Variants in CDH13 observed in about 807,000 individuals in gnomAD.
CDH13 encodes the protein cadherin-13.
A neutral mutation model predicts 63.8 loss-of-function variants in CDH13; 24 were observed. That is an observed-to-expected ratio of 0.38 (90% CI 0.27 to 0.53). The LOEUF is 0.53. Among genes scored for constraint, CDH13 ranks in the 20% least tolerant of loss-of-function variants. The pLI, the probability that CDH13 is intolerant of heterozygous loss-of-function variation, is 0.85. For missense variants in CDH13, 1,049 were observed against 903.1 expected (o/e 1.16, Z -2.07); for synonymous variants, 503 against 355.3 (o/e 1.42, Z -4.67).
chr16:83,201,189 A>C (rs907278930), intron 4 of CDH13, among the ~76,000 whole-genome samples: 1 of 152,134 alleles, frequency 6.6e-6, no homozygotes, highest in African/African-American at 2.4e-5. Flanking sequence ...GTCTTAGCAT[A>C]GCTTCTTTAT....
chr16:82,999,467 C>A (rs1446585062), intron 2 of CDH13, among the ~76,000 whole-genome samples: 2 of 151,938 alleles, frequency 1.3e-5, no homozygotes, highest in Non-Finnish European at 2.9e-5. Context: ...TATAGATATG[C>A]CCTTACATCA....
At chr16:83,790,185 A>G (rs1916166806) in intron 13 of CDH13, 1 of 152,222 alleles carries the variant, frequency 6.6e-6, no homozygotes, top group Non-Finnish European at 1.5e-5. Context: ...CGAGGCCAGC[A>G]TTCACCATTG....
chr16:82,695,557 T>C (rs1400720916), intron 1 of CDH13, among the ~76,000 whole-genome samples: 1 of 152,116 alleles, frequency 6.6e-6, no homozygotes, highest in Admixed American at 6.5e-5. Flanking sequence ...AGCTTTGGAG[T>C]TGGAGTTAAG....
Position 83,218,530 on chromosome 16 carries a change from C to T in CDH13, c.636+1033C>T, listed in dbSNP as rs1189341912. 4.6e-5 allele frequency among the ~76,000 whole-genome samples: 7 copies of T among 152,168 alleles called. No individual in the cohort carries two copies. In the East Asian group the frequency reaches 1.3e-3, roughly 29 times the overall value. ...CTCAGAAATACCCAGTTCCAGCTGG[C>T]CTTGACAGTAACCAGAGGTGACCTG... On this transcript the variant is annotated intron_variant, in intron 5 of 13. Coordinates refer to ENST00000567109, the MANE Select transcript of CDH13 (RefSeq NM_001257.5).
intron 7 of CDH13, among the ~76,000 whole-genome samples, chr16:83,518,760 C>A (rs893360970): frequency 6.6e-6 from 1 of 152,042 alleles, no homozygotes; most frequent in South Asian, 2.1e-4. Context: ...TTTGAGCCAC[C>A]GAGCCCGGCC....
chr16:82,662,966 G>A (rs1912139838), intron 1 of CDH13, among the ~76,000 whole-genome samples: 1 of 152,272 alleles, frequency 6.6e-6, no homozygotes, highest in African/African-American at 2.4e-5. Flanking sequence ...ATGATTTCGA[G>A]TTAAAAACAT....
At chr16:83,126,973 G>C (rs1392561625) in intron 4 of CDH13, among the ~76,000 whole-genome samples, 1 of 152,184 alleles carries the variant, frequency 6.6e-6, no homozygotes, top group South Asian at 2.1e-4. Flanking sequence ...AGGAGTAGAG[G>C]GAGGAGGGAA....
chr16:82,689,902 T>G (rs1915463414), intron 1 of CDH13, among the ~76,000 whole-genome samples: 1 of 143,256 alleles, frequency 7.0e-6, no homozygotes, highest in Non-Finnish European at 1.5e-5. Flanking sequence ...CCCAGCACTT[T>G]TGGAGGCCAA....
rs117600712 is a variant in CDH13, at chr16:83,033,333, A to G, written c.366+1115A>G. 6.5e-3 allele frequency among the ~76,000 whole-genome samples: 992 copies of G among 152,132 alleles called. 12 individuals are homozygous for G. The highest frequency in any genetic ancestry group is 0.059 in the East Asian group (305 of 5,164). On this transcript the variant is annotated intron_variant, in intron 3 of 13. Coordinates refer to ENST00000567109, the MANE Select transcript of CDH13 (RefSeq NM_001257.5). ...ATATATACGGTGTATATGTATGTCT[A>G]TATGTATACATTTGCATTTAACAGG...
chr16:83,171,922 G>T (rs2037936920), intron 4 of CDH13, among the ~76,000 whole-genome samples: 1 of 152,086 alleles, frequency 6.6e-6, no homozygotes, highest in Non-Finnish European at 1.5e-5. Context: ...TGTTATTTAA[G>T]ATTTATTGTC....
At chr16:83,562,560 A>G (rs1380621352) in intron 7 of CDH13, among the ~76,000 whole-genome samples, 1 of 152,238 alleles carries the variant, frequency 6.6e-6, no homozygotes, top group Non-Finnish European at 1.5e-5. Flanking sequence ...AGACCCATGA[A>G]AATAAATAGT....
chr16:83,439,849 G>C (rs2072432088), intron 6 of CDH13, among the ~76,000 whole-genome samples: 1 of 152,158 alleles, frequency 6.6e-6, no homozygotes, highest in African/African-American at 2.4e-5. Context: ...CATATATTTA[G>C]TGAGTAGAGT....
At chr16:82,904,357 C>G (rs1460434143) in intron 2 of CDH13, among the ~76,000 whole-genome samples, 1 of 152,156 alleles carries the variant, frequency 6.6e-6, no homozygotes, top group Non-Finnish European at 1.5e-5. Context: ...TTTAGTCTCT[C>G]ATTTTCTCTC....
At chr16:83,315,692 C>T (rs1369219526) in intron 5 of CDH13, among the ~76,000 whole-genome samples, 1 of 149,910 alleles carries the variant, frequency 6.7e-6, no homozygotes, top group African/African-American at 2.4e-5. Flanking sequence ...AGTGTGTTCT[C>T]GCTATCTTGG....
At chr16:83,067,938 C>G (rs551743770) in intron 3 of CDH13, among the ~76,000 whole-genome samples, 1 of 152,106 alleles carries the variant, frequency 6.6e-6, no homozygotes, top group African/African-American at 2.4e-5. Context: ...GAAAAATATC[C>G]CTGGCCTGGG....
intron 7 of CDH13, among the ~76,000 whole-genome samples, chr16:83,558,525 A>G (rs1173492827): frequency 6.6e-6 from 1 of 152,216 alleles, no homozygotes; most frequent in Non-Finnish European, 1.5e-5. Context: ...AGAATAAGCA[A>G]CGTGGACCAC....
chr16:82,950,344 A>C (rs1049394115), intron 2 of CDH13, among the ~76,000 whole-genome samples: 1 of 151,842 alleles, frequency 6.6e-6, no homozygotes, highest in Non-Finnish European at 1.5e-5. Flanking sequence ...TTTGGTAAGG[A>C]CGTGGTATGG....
intron 2 of CDH13, chr16:82,954,755 A>G (rs1403372420): frequency 6.6e-6 from 1 of 151,870 alleles, no homozygotes; most frequent in Non-Finnish European, 1.5e-5. Context: ...CTCCTGGAAA[A>G]AAAAAAAAAC....
At chr16:82,696,500 T>A (rs1299670288) in intron 1 of CDH13, among the ~76,000 whole-genome samples, 1 of 152,214 alleles carries the variant, frequency 6.6e-6, no homozygotes, top group Non-Finnish European at 1.5e-5. Flanking sequence ...TGCAGTTAAG[T>A]TCTGCACCTT....
Sources: gnomAD v4.1 joint callset for allele counts (sites outside exome capture counted in the v4.1 genomes callset) on GRCh38, gnomAD v4.1.1 for gene constraint, MANE v1.5 for transcripts, NCBI Gene and HGNC (gene_info 2026-07-23, HGNC 2026-07-21) for gene names.